MGAT4C: variants seen among roughly 807,000 people sequenced by gnomAD.
MGAT4C encodes the protein MGAT4 family member C.
Under a neutral mutation model 40.1 loss-of-function variants are expected in MGAT4C, and 19 were observed. That is an observed-to-expected ratio of 0.47 (90% confidence interval 0.33 to 0.70). MGAT4C has a LOEUF of 0.70. MGAT4C is among the 30% of genes least tolerant of loss of function. The pLI, the probability that MGAT4C is intolerant of heterozygous loss-of-function variation, is 0.02. For synonymous variants in MGAT4C, 181 were observed against 187.1 expected (o/e 0.97, Z 0.27); for missense variants, 491 against 563.2 (o/e 0.87, Z 1.30).
intron 1 of MGAT4C, among the ~76,000 whole-genome samples, chr12:86,147,246 A>AT (rs201770308): frequency 0.056 from 8,237 of 147,964 alleles, 271 homozygotes; most frequent in Non-Finnish European, 0.08. Flanking sequence ...AATTTATTAA[A>AT]TTTTTTTTTT....
chr12:86,629,139 A>G (rs1184302260), intron 2 of MGAT4C, among the ~76,000 whole-genome samples: 1 of 152,178 alleles, frequency 6.6e-6, no homozygotes, highest in Non-Finnish European at 1.5e-5. Flanking sequence ...AAAAAAACAA[A>G]GGTCAAAAGA....
intron 2 of MGAT4C, among the ~76,000 whole-genome samples, chr12:86,704,363 C>A (rs1381106376): frequency 6.6e-6 from 1 of 151,628 alleles, no homozygotes; most frequent in East Asian, 1.9e-4. Flanking sequence ...GACCAAAATA[C>A]AAAATGGGAT....
chr12:86,527,674 T>C (rs897510691), intron 2 of MGAT4C, among the ~76,000 whole-genome samples: 1 of 152,200 alleles, frequency 6.6e-6, no homozygotes, highest in African/African-American at 2.4e-5. Flanking sequence ...ATTTCTTTCA[T>C]CAGAGTTGTC....
chr12:86,281,110 T>C (rs10745407), intron 4 of MGAT4C, among the ~76,000 whole-genome samples: 102,036 of 151,814 alleles, frequency 0.67, 34,714 homozygotes, highest in South Asian at 0.78. Flanking sequence ...TTTTGTTATT[T>C]CCTTTTCTGT....
chr12:86,780,066 T>A (rs1951811901), intron 1 of MGAT4C, among the ~76,000 whole-genome samples: 1 of 152,122 alleles, frequency 6.6e-6, no homozygotes, highest in African/African-American at 2.4e-5. Flanking sequence ...ATTTATTTTT[T>A]AATTATAGAC....
chr12:86,507,514 T>C, intron 2 of MGAT4C, among the ~76,000 whole-genome samples: 1 of 152,168 alleles, frequency 6.6e-6, no homozygotes, highest in East Asian at 1.9e-4. Flanking sequence ...TCTAGTTTTT[T>C]GTCATTAACC....
At chr12:86,280,382 G>C (rs1365780852) in intron 4 of MGAT4C, among the ~76,000 whole-genome samples, 1 of 151,604 alleles carries the variant, frequency 6.6e-6, no homozygotes, top group East Asian at 1.9e-4. Flanking sequence ...TATTTTTTAG[G>C]TGAAGCAGTT....
intron 1 of MGAT4C, among the ~76,000 whole-genome samples, chr12:86,213,185 C>G (rs1950549960): frequency 6.6e-6 from 1 of 152,090 alleles, no homozygotes; most frequent in Non-Finnish European, 1.5e-5. Flanking sequence ...TTCCTGATAA[C>G]TTTGCTTTTC....
chr12:86,678,373 A>G (rs905304695), intron 2 of MGAT4C, among the ~76,000 whole-genome samples: 14 of 151,776 alleles, frequency 9.2e-5, no homozygotes, highest in Admixed American at 8.5e-4. Flanking sequence ...TGGTTGCACT[A>G]TTCATAACCT....
intron 1 of MGAT4C, among the ~76,000 whole-genome samples, chr12:86,084,035 T>G (rs1346942124): frequency 1.1e-5 from 1 of 91,142 alleles, no homozygotes; most frequent in Non-Finnish European, 2.0e-5. Context: ...CATGGAAGTT[T>G]AGTACTGAGG....
At chr12:86,837,041 C>T (rs1352732212) in intron 1 of MGAT4C, among the ~76,000 whole-genome samples, 1 of 152,026 alleles carries the variant, frequency 6.6e-6, no homozygotes, top group African/African-American at 2.4e-5. Flanking sequence ...CTAAGACATT[C>T]AGGAGTGTAT....
intron 2 of MGAT4C, among the ~76,000 whole-genome samples, chr12:86,625,784 A>C (rs1026682082): frequency 1.3e-5 from 2 of 152,208 alleles, no homozygotes; most frequent in African/African-American, 2.4e-5. Flanking sequence ...GGAAAAGTAA[A>C]ATGGAAATGG....
intron 1 of MGAT4C, among the ~76,000 whole-genome samples, chr12:86,062,623 A>G (rs1253111695): frequency 6.6e-6 from 1 of 152,060 alleles, no homozygotes; most frequent in Non-Finnish European, 1.5e-5. Context: ...GGAAGCTAAG[A>G]AACTTGAAAA....
At chr12:86,544,066 A>C (rs1959181254) in intron 2 of MGAT4C, among the ~76,000 whole-genome samples, 1 of 152,200 alleles carries the variant, frequency 6.6e-6, no homozygotes, top group Non-Finnish European at 1.5e-5. Context: ...CAGAATCATT[A>C]GTTGATTCTG....
chr12:86,423,784 C>T (rs1452625458), intron 3 of MGAT4C, among the ~76,000 whole-genome samples: 2 of 152,198 alleles, frequency 1.3e-5, no homozygotes, highest in South Asian at 2.1e-4. Flanking sequence ...GAACTATTAG[C>T]GTGATTCCTC....
intron 2 of MGAT4C, among the ~76,000 whole-genome samples, chr12:86,556,104 G>C (rs1299238024): frequency 6.6e-6 from 1 of 152,072 alleles, no homozygotes; most frequent in Non-Finnish European, 1.5e-5. Context: ...AATTATTATT[G>C]CATTTTTATT....
intron 4 of MGAT4C, among the ~76,000 whole-genome samples, chr12:86,305,823 ATTG>A (rs1274216326): frequency 1.3e-5 from 2 of 150,150 alleles, no homozygotes; most frequent in African/African-American, 2.5e-5. Flanking sequence ...GTTATCTTTT[ATTG>A]TTGTTGTTTT....
chr12:86,017,432 C>A (rs1889207912), intron 2 of MGAT4C, among the ~76,000 whole-genome samples: 1 of 152,074 alleles, frequency 6.6e-6, no homozygotes, highest in African/African-American at 2.4e-5. Context: ...TAAGAAGGAA[C>A]CATACATTTC....
At chr12:86,762,148 C>T (rs1016785435) in intron 1 of MGAT4C, among the ~76,000 whole-genome samples, 1 of 151,666 alleles carries the variant, frequency 6.6e-6, no homozygotes, top group Non-Finnish European at 1.5e-5. Flanking sequence ...ACCCCCTGGA[C>T]TTAAGCATTC....
Sources: allele counts gnomAD v4.1 joint callset (sites outside exome capture counted in the v4.1 genomes callset), GRCh38; gene constraint gnomAD v4.1.1; transcripts MANE v1.5; gene names NCBI Gene and HGNC (gene_info 2026-07-23, HGNC 2026-07-21).